Variants in C1orf87 observed in about 807,000 individuals in gnomAD.
C1orf87 encodes the protein chromosome 1 open reading frame 87.
A neutral mutation model predicts 60.5 loss-of-function variants in C1orf87; 58 were observed. The observed-to-expected ratio is 0.96, with a 90% CI of 0.78 to 1.19. The LOEUF (loss-of-function observed/expected upper bound fraction) is 1.19, where lower values mean the gene tolerates loss of function less well. Among genes scored for constraint, C1orf87 ranks in the 50% most tolerant of loss-of-function variants. The probability of loss-of-function intolerance (pLI) is 0.00; values close to 1 mark genes in which losing one functional copy is unlikely to be tolerated. For missense variants in C1orf87, 673 were observed against 638.6 expected (o/e 1.05, Z -0.58); for synonymous variants, 236 against 227.4 (o/e 1.04, Z -0.34).
intron 8 of C1orf87, among the ~76,000 whole-genome samples, chr1:60,016,694 A>G (rs1461530831): frequency 2.0e-5 from 3 of 152,206 alleles, no homozygotes; most frequent in Non-Finnish European, 4.4e-5. Flanking sequence ...GGGGCTGAAG[A>G]GGTGGTAGAA....
At chr1:60,064,995 A>ATAGATAT (rs1645532319) in intron 2 of C1orf87, among the ~76,000 whole-genome samples, 2 of 113,118 alleles carry the variant, frequency 1.8e-5, no homozygotes, top group African/African-American at 3.5e-5. Context: ...TAAAATACAT[A>ATAGATAT]TAAATATTAA....
At chr1:60,041,735 G>A (rs1645326395) in intron 3 of C1orf87, among the ~76,000 whole-genome samples, 1 of 152,122 alleles carries the variant, frequency 6.6e-6, no homozygotes, top group Non-Finnish European at 1.5e-5. Context: ...TGGGGGGACT[G>A]CCCCTCCCAG....
intron 9 of C1orf87, among the ~76,000 whole-genome samples, chr1:60,004,805 C>T (rs759900768): frequency 2.0e-5 from 3 of 151,866 alleles, no homozygotes; most frequent in Non-Finnish European, 4.4e-5. Context: ...TGTTGGAGGG[C>T]CAGGTTTTAC....
chr1:60,062,701 C>T (rs571673081), intron 2 of C1orf87, among the ~76,000 whole-genome samples: 5 of 152,148 alleles, frequency 3.3e-5, no homozygotes, highest in Admixed American at 6.5e-5. Flanking sequence ...TTTGGAAAAG[C>T]CTTTATGCAT....
At chr1:60,001,521 A>G (rs1185175842) in intron 9 of C1orf87, among the ~76,000 whole-genome samples, 1 of 152,026 alleles carries the variant, frequency 6.6e-6, no homozygotes, top group Non-Finnish European at 1.5e-5. Context: ...AACCTGAAGG[A>G]TTGGTTTTAG....
intron 2 of C1orf87, among the ~76,000 whole-genome samples, chr1:60,072,062 T>C (rs1284817353): frequency 1.3e-5 from 2 of 152,156 alleles, no homozygotes; most frequent in Admixed American, 6.5e-5. Context: ...AAGAAAGAGA[T>C]CTTAGCCATG....
At chr1:60,055,491 C>T in intron 2 of C1orf87, 53 bp from the exon 3 acceptor site, 1 of 1,491,684 alleles carries the variant, frequency 6.7e-7, no homozygotes, top group Non-Finnish European at 9.3e-7. Context: ...TCCTCATACA[C>T]TAGGCTGGCA....
intron 11 of C1orf87, among the ~76,000 whole-genome samples, chr1:59,992,784 A>G (rs897438323): frequency 6.6e-6 from 1 of 152,182 alleles, no homozygotes; most frequent in Admixed American, 6.5e-5. Context: ...TCTAATCGCT[A>G]TTTTTAACAG....
intron 5 of C1orf87, among the ~76,000 whole-genome samples, chr1:60,038,381 T>A (rs915519745): frequency 2.0e-5 from 3 of 152,098 alleles, no homozygotes; most frequent in African/African-American, 7.2e-5. Flanking sequence ...ACCGAGACCC[T>A]GTGAGCTAAC....
chr1:60,058,393 G>C (rs1173840688), intron 2 of C1orf87, among the ~76,000 whole-genome samples: 1 of 151,876 alleles, frequency 6.6e-6, no homozygotes, highest in East Asian at 1.9e-4. Context: ...GTATTAAATT[G>C]GTATAAAATT....
chr1:60,064,473 T>C (rs919759979), intron 2 of C1orf87, among the ~76,000 whole-genome samples: 5 of 138,454 alleles, frequency 3.6e-5, no homozygotes, highest in African/African-American at 1.3e-4. Context: ...ATGTGTGCAA[T>C]AGCATTGTCT....
chr1:60,044,566 C>T (rs904896161), intron 3 of C1orf87, among the ~76,000 whole-genome samples: 1 of 152,178 alleles, frequency 6.6e-6, no homozygotes, highest in Admixed American at 6.5e-5. Context: ...CCTGAATCTG[C>T]TGACAAACTA....
intron 3 of C1orf87, among the ~76,000 whole-genome samples, chr1:60,050,694 G>T (rs1645408275): frequency 6.6e-6 from 1 of 152,020 alleles, no homozygotes; most frequent in Admixed American, 6.6e-5. Context: ...AGCGGAGACA[G>T]TGGGCACTCT....
chr1:60,026,382 T>C (rs562794982), intron 7 of C1orf87, among the ~76,000 whole-genome samples: 14 of 152,228 alleles, frequency 9.2e-5, no homozygotes, highest in African/African-American at 3.4e-4. Flanking sequence ...CATGATAAAA[T>C]TAGCATTTAG....
intron 8 of C1orf87, among the ~76,000 whole-genome samples, chr1:60,015,192 T>C (rs1645116846): frequency 1.3e-5 from 2 of 152,130 alleles, no homozygotes; most frequent in African/African-American, 4.8e-5. Context: ...GATTAGGCCG[T>C]GGGGGCAGAG....
Position 60,043,784 on chromosome 1 carries a change from A to AT in C1orf87, c.343-2654dup, listed in dbSNP as rs11364951. 3.2e-3 allele frequency among the ~76,000 whole-genome samples: 472 copies of AT among 149,754 alleles called. 2 individuals are homozygous for AT. The highest frequency in any genetic ancestry group is 7.7e-3 in the African/African-American group (314 of 40,924). ...ATATTTCCATTTTCAGCCACACACA[A>AT]TTTTTTTTTTTGCCTCTGAGAATTT... On this transcript the variant is annotated intron_variant, in intron 3 of 11. Transcript: ENST00000371201.
intron 2 of C1orf87, among the ~76,000 whole-genome samples, chr1:60,058,448 G>A (rs1462031436): frequency 2.6e-5 from 4 of 152,084 alleles, no homozygotes; most frequent in Admixed American, 2.6e-4. Context: ...ATAAATAAAT[G>A]CCAAATGAAC....
chr1:60,025,405 T>C lies in C1orf87; in HGVS notation c.1123A>G (p.Ile375Val). 2 of 1,611,358 alleles carry C rather than the reference T, an allele frequency of 1.2e-6. No individual in the cohort carries two copies. Among genetic ancestry groups the C allele is most frequent in the Non-Finnish European group, 1.7e-6 (2 of 1,177,758 alleles). The stretch of plus-strand genomic sequence containing the variant: ...TCTTAATAAGAGTTGACTTACTTTA[T>C]TTCATTTTGGTAACCCAAATCTTGA... ...NHQDLGYQNE[I>V]KWQNFVEMLT... The change falls in exon 8 of 12, where the codon ATA becomes GTA. Residue 375 changes from isoleucine to valine, a missense_variant. Coordinates refer to ENST00000371201, the MANE Select transcript of C1orf87 (RefSeq NM_152377.3).
chr1:60,040,755 ATTTTTTT>A (rs34709077), intron 4 of C1orf87, among the ~76,000 whole-genome samples: 21 of 132,118 alleles, frequency 1.6e-4, no homozygotes, highest in Admixed American at 1.4e-3. Context: ...ACTGTCTTTA[ATTTTTTT>A]TTTTTTTTTT....
Sources: gnomAD v4.1 joint callset for allele counts (sites outside exome capture counted in the v4.1 genomes callset) on GRCh38, gnomAD v4.1.1 for gene constraint, MANE v1.5 for transcripts, NCBI Gene and HGNC (gene_info 2026-07-23, HGNC 2026-07-21) for gene names.